Variants in ETV7 observed in about 807,000 individuals in gnomAD.
The protein encoded by ETV7 is transcription factor ETV7.
In ETV7, 43 loss-of-function variants were observed where a neutral mutation model predicts 39.1. The ratio of observed to expected loss-of-function variants is 1.10; its 90% CI spans 0.86 to 1.42. The LOEUF is 1.42. ETV7 is among the 40% of genes most tolerant of loss of function. The pLI is 0.00. For missense variants in ETV7, 432 were observed against 442.3 expected (o/e 0.98, Z 0.21); for synonymous variants, 196 against 176.6 (o/e 1.11, Z -0.87).
At chr6:36,374,340 G>T (rs1773196582) in intron 3 of ETV7, among the ~76,000 whole-genome samples, 1 of 150,590 alleles carries the variant, frequency 6.6e-6, no homozygotes, top group African/African-American at 2.4e-5. Context: ...CTGGGCAATA[G>T]AGTGAGACCC....
At chr6:36,364,729 C>T (rs1772657065), downstream of ETV7, among the ~76,000 whole-genome samples, 1 of 152,176 alleles carries the variant, frequency 6.6e-6, no homozygotes, top group Non-Finnish European at 1.5e-5. Context: ...AAAGTGGGAG[C>T]CCAGGCAGAG....
downstream of ETV7, among the ~76,000 whole-genome samples, chr6:36,363,368 GTT>G (rs1561899888): frequency 1.3e-5 from 2 of 152,004 alleles, no homozygotes; most frequent in Non-Finnish European, 2.9e-5. Context: ...GTCTGGAGTC[GTT>G]CGTTCCTCCC....
intron 7 of ETV7, among the ~76,000 whole-genome samples, chr6:36,359,170 G>A (rs766267093): frequency 6.6e-6 from 1 of 152,232 alleles, no homozygotes; most frequent in African/African-American, 2.4e-5. Context: ...GGATGGACAG[G>A]CTGGGCGAAG....
At chr6:36,363,064 G>T (rs1469395414), downstream of ETV7, among the ~76,000 whole-genome samples, 1 of 152,180 alleles carries the variant, frequency 6.6e-6, no homozygotes, top group South Asian at 2.1e-4. Context: ...TGTAAAATGA[G>T]GGCCTGGATA....
At chr6:36,354,906 A>AAATAGAAT (rs1291896959) in intron 7 of ETV7, among the ~76,000 whole-genome samples, 2 of 152,190 alleles carry the variant, frequency 1.3e-5, no homozygotes, top group African/African-American at 4.8e-5. Context: ...ATGGTATTGG[A>AAATAGAAT]AATAGAATTA....
At chr6:36,363,130 G>A (rs1032932594), downstream of ETV7, among the ~76,000 whole-genome samples, 3 of 152,236 alleles carry the variant, frequency 2.0e-5, no homozygotes, top group African/African-American at 7.2e-5. Flanking sequence ...GTGAGGAGGT[G>A]ATAATGTGTC....
chr6:36,363,135 T>C (rs575185111), downstream of ETV7, among the ~76,000 whole-genome samples: 9 of 152,330 alleles, frequency 5.9e-5, no homozygotes, highest in African/African-American at 1.9e-4. Context: ...GAGGTGATAA[T>C]GTGTCCAGAA....
At chr6:36,356,570 C>A (rs1336258062) in intron 7 of ETV7, among the ~76,000 whole-genome samples, 1 of 152,124 alleles carries the variant, frequency 6.6e-6, no homozygotes, top group East Asian at 1.9e-4. Context: ...AACTTCCCAG[C>A]CAGACACAGA....
downstream of ETV7, among the ~76,000 whole-genome samples, chr6:36,362,518 T>C (rs1002112103): frequency 1.3e-5 from 2 of 152,170 alleles, no homozygotes; most frequent in Non-Finnish European, 2.9e-5. Flanking sequence ...CCTGCCACTT[T>C]TCAGGACTTT....
At chr6:36,355,953 G>T (rs1364034079) in intron 7 of ETV7, among the ~76,000 whole-genome samples, 1 of 152,186 alleles carries the variant, frequency 6.6e-6, no homozygotes, top group Non-Finnish European at 1.5e-5. Context: ...AGAGATAAGT[G>T]GTAGGCCTGG....
At chr6:36,376,249 A>G (rs1342821778) in intron 2 of ETV7, among the ~76,000 whole-genome samples, 1 of 129,664 alleles carries the variant, frequency 7.7e-6, no homozygotes, top group Admixed American at 7.1e-5. Context: ...GTTTGTCATT[A>G]TGTATGTAGC....
chr6:36,382,054 A>G (rs186899322), intron 2 of ETV7, among the ~76,000 whole-genome samples: 51 of 152,130 alleles, frequency 3.4e-4, no homozygotes, highest in African/African-American at 1.2e-3. Context: ...ACTCGCTTTT[A>G]ATCTCCATCC....
intron 6 of ETV7, 73 bp from the exon 7 acceptor site, chr6:36,367,048 G>A: frequency 8.5e-7 from 1 of 1,174,924 alleles, no homozygotes; most frequent in Non-Finnish European, 1.3e-6. Context: ...AAGGGAGTAG[G>A]GTGGACTGGA....
chr6:36,367,055 T>A, intron 6 of ETV7, 80 bp from the exon 7 acceptor site: 1 of 1,076,548 alleles, frequency 9.3e-7, no homozygotes, highest in Non-Finnish European at 1.4e-6. Context: ...TAGGGTGGAC[T>A]GGACAGCTTC....
At chr6:36,365,124 CCTT>C (rs1772669826), downstream of ETV7, among the ~76,000 whole-genome samples, 1 of 152,176 alleles carries the variant, frequency 6.6e-6, no homozygotes, top group Non-Finnish European at 1.5e-5. Context: ...GTAGTTTCCT[CCTT>C]CTGAGAAAGA....
Position 36,387,536 on chromosome 6 carries a change from C to T in ETV7, c.6G>A (p.Gln2=), listed in dbSNP as rs754296011. The change falls in exon 1 of 8, where the codon CAG becomes CAA. Residue 2 remains glutamine, a splice_region_variant and synonymous_variant. Coordinates refer to ENST00000340181, the MANE Select transcript of ETV7 (RefSeq NM_016135.4). ...GCGTGTTCAGCCGCCAGGCTCTTAC[C>T]TGCATTACAGGTGGAGGTGAGGAAG... is the stretch of plus-strand genomic sequence containing the variant. M[Q]EGELAISPIS... 1 of 1,614,140 alleles carries T rather than the reference C, an allele frequency of 6.2e-7. No individual in the cohort carries two copies. The highest frequency in any genetic ancestry group is 1.1e-5 in the South Asian group (1 of 91,086).
intron 4 of ETV7, among the ~76,000 whole-genome samples, chr6:36,373,173 G>A (rs1156540847): frequency 6.6e-6 from 1 of 152,092 alleles, no homozygotes; most frequent in African/African-American, 2.4e-5. Context: ...TGGAGACCTT[G>A]ACAAGTGGTT....
At chr6:36,359,417 C>T (rs1021432589) in intron 7 of ETV7, among the ~76,000 whole-genome samples, 7 of 150,358 alleles carry the variant, frequency 4.7e-5, no homozygotes, top group African/African-American at 1.7e-4. Flanking sequence ...CACCATTGCT[C>T]TCCAGCCTGG....
At chr6:36,363,631 G>A (rs1046916610), downstream of ETV7, among the ~76,000 whole-genome samples, 3 of 152,238 alleles carry the variant, frequency 2.0e-5, no homozygotes, top group South Asian at 6.2e-4. Flanking sequence ...GCCACTGCTA[G>A]CTGGGGCAGC....
Sources: allele counts gnomAD v4.1 joint callset (sites outside exome capture counted in the v4.1 genomes callset), GRCh38; gene constraint gnomAD v4.1.1; transcripts MANE v1.5; gene names NCBI Gene and HGNC (gene_info 2026-07-23, HGNC 2026-07-21).